DLG2: variants seen among roughly 807,000 people sequenced by gnomAD.
The protein encoded by DLG2 is disks large homolog 2.
In DLG2, 45 loss-of-function variants were observed where a neutral mutation model predicts 132.5. The ratio of observed to expected loss-of-function variants is 0.34; its 90% CI spans 0.27 to 0.44. The LOEUF is 0.44. Among genes scored for constraint, DLG2 ranks in the 20% least tolerant of loss-of-function variants. DLG2 has a pLI of 1.00. For synonymous variants in DLG2, 424 were observed against 419.6 expected, an observed-to-expected ratio of 1.01 and a Z score of -0.13; for missense variants, 1,045 against 1,196.9, an observed-to-expected ratio of 0.87 and a Z score of 1.87.
At chr11:83,676,560 G>A (rs1028125721) in intron 18 of DLG2, among the ~76,000 whole-genome samples, 6 of 152,150 alleles carry the variant, frequency 3.9e-5, no homozygotes, top group African/African-American at 1.4e-4. Flanking sequence ...ATATGCATGA[G>A]AGCATAGCTT....
Position 84,217,939 on chromosome 11 carries a change from G to A in DLG2, c.573+33299C>T, listed in dbSNP as rs149379884. ...TCCCAGCACTTTAGGAGGCCAAGGTGGGCAGATCACTTGAGGTCAGGAGTT... is the reference window on the plus strand; with the variant it reads ...TCCCAGCACTTTAGGAGGCCAAGGTAGGCAGATCACTTGAGGTCAGGAGTT... On this transcript the variant is annotated intron_variant, in intron 8 of 27. Transcript: ENST00000376104. Among the ~76,000 whole-genome samples the A allele has an allele frequency of 6.5e-3, 993 of 152,162 alleles. 18 individuals carry two copies. The highest frequency in any genetic ancestry group is 0.029 in the Admixed American group (445 of 15,278).
At position 84,715,202 on chromosome 11, in the gene DLG2, T is replaced by C. The variant is rs183363140; in HGVS notation, c.358-180471A>G. On this transcript the variant is annotated intron_variant, in intron 6 of 27. Transcript: ENST00000376104. ...TCACAGTGGTTCAGTTGAGCTGTTA[T>C]ATTAACAAATTGCTATTATGAGAAA... is the stretch of plus-strand genomic sequence containing the variant. Among the ~76,000 whole-genome samples, 122 of 152,310 alleles carry C rather than the reference T, an allele frequency of 8.0e-4. 1 individual carries two copies. The highest frequency in any genetic ancestry group is 2.9e-3 in the African/African-American group (120 of 41,582).
At chr11:84,734,118 C>G (rs139202960) in intron 6 of DLG2, among the ~76,000 whole-genome samples, 1 of 152,106 alleles carries the variant, frequency 6.6e-6, no homozygotes, top group East Asian at 1.9e-4. Context: ...TTTGGCAATG[C>G]GGGCTCTTTT....
chr11:84,693,150 C>T (rs1276332242), intron 6 of DLG2, among the ~76,000 whole-genome samples: 1 of 151,792 alleles, frequency 6.6e-6, no homozygotes, highest in Non-Finnish European at 1.5e-5. Context: ...CACTTAGTCA[C>T]TCTTCAAAAC....
At chr11:83,832,210 A>AT (rs2054736702) in intron 17 of DLG2, among the ~76,000 whole-genome samples, 1 of 152,204 alleles carries the variant, frequency 6.6e-6, no homozygotes, top group Admixed American at 6.5e-5. Flanking sequence ...TTGCTTAAAC[A>AT]TTTGCTAAGA....
rs61898989 is a variant in DLG2 at position 84,591,223 on chromosome 11, C to G, written c.358-56492G>C. Reference sequence around the variant, plus strand: ...TAAACACTGCTATATATGTGTCTCTCTGTGTGTGTGTGTGTGTGTGTGTGT... The same window carrying G: ...TAAACACTGCTATATATGTGTCTCTGTGTGTGTGTGTGTGTGTGTGTGTGT... On this transcript the variant is annotated intron_variant, in intron 6 of 27. Coordinates refer to ENST00000376104, the MANE Select transcript of DLG2 (RefSeq NM_001142699.3). Among the ~76,000 whole-genome samples, 489 of 139,284 alleles carry G rather than the reference C, an allele frequency of 3.5e-3. 4 individuals carry two copies. Among genetic ancestry groups the G allele is most frequent in the East Asian group, 0.019 (91 of 4,810 alleles). The allele number at this position is 139,284 out of a possible 152,430, so 91.4% of individuals were successfully genotyped here.
intron 6 of DLG2, among the ~76,000 whole-genome samples, chr11:85,017,014 A>G (rs1461642875): frequency 6.6e-6 from 1 of 152,078 alleles, no homozygotes; most frequent in Non-Finnish European, 1.5e-5. Context: ...AGCCATGCCC[A>G]TTTGTTTATA....
chr11:84,271,815 T>C (rs1309448950), intron 7 of DLG2, among the ~76,000 whole-genome samples: 2 of 151,944 alleles, frequency 1.3e-5, no homozygotes, highest in African/African-American at 4.8e-5. Flanking sequence ...CACTTAAGAA[T>C]AAAATGTTAG....
At position 84,479,346 on chromosome 11, in the gene DLG2, G is replaced by T. The variant is rs369262748; in HGVS notation, c.519+55224C>A. On this transcript the variant is annotated intron_variant, in intron 7 of 27. Coordinates refer to ENST00000376104, the MANE Select transcript of DLG2 (RefSeq NM_001142699.3). ...CCAAAATGAGTCCTCAGATGGTGAC[G>T]TGAAGGCTCTGTCTAATATACCTTT... 4.6e-5 allele frequency among the ~76,000 whole-genome samples: 7 copies of T among 152,164 alleles called. No homozygotes were observed. In the East Asian group the frequency reaches 9.7e-4, roughly 21 times the overall value.
chr11:85,439,948 T>C (rs2091695014), intron 3 of DLG2, among the ~76,000 whole-genome samples: 1 of 152,094 alleles, frequency 6.6e-6, no homozygotes, highest in Admixed American at 6.5e-5. Flanking sequence ...TAGATAGAGG[T>C]ATTTTATTTT....
chr11:84,575,069 C>G (rs1015645655), intron 6 of DLG2, among the ~76,000 whole-genome samples: 3 of 152,124 alleles, frequency 2.0e-5, no homozygotes, highest in Non-Finnish European at 2.9e-5. Context: ...GGCTGCCGTG[C>G]TCTAAGCTGG....
At chr11:83,900,013 A>T (rs2154097890) in intron 15 of DLG2, among the ~76,000 whole-genome samples, 1 of 152,336 alleles carries the variant, frequency 6.6e-6, no homozygotes, top group East Asian at 1.9e-4. Flanking sequence ...GATGGAAATG[A>T]GAAACTTGTT....
rs1234645408 is a variant in DLG2 at position 85,058,287 on chromosome 11, TAC to T, written c.357+53372_357+53373del. ...ATTGAAAAATAAAATTTAAAAATGA[TAC>T]AGTTTTTATCAACATATAGCACCTC... On this transcript the variant is annotated intron_variant, in intron 6 of 27. Coordinates refer to ENST00000376104, the MANE Select transcript of DLG2 (RefSeq NM_001142699.3). Among the ~76,000 whole-genome samples the T allele has an allele frequency of 2.6e-5, 4 of 151,582 alleles. No homozygotes were observed. In the East Asian group the frequency reaches 5.8e-4, roughly 22 times the overall value.
intron 6 of DLG2, among the ~76,000 whole-genome samples, chr11:84,541,121 C>T (rs1676138554): frequency 6.6e-6 from 1 of 151,930 alleles, no homozygotes; most frequent in Non-Finnish European, 1.5e-5. Context: ...AGCACACCAA[C>T]ATGGCACATG....
rs3067460 is a variant in DLG2 at position 85,191,162 on chromosome 11, GCACACACA to G, written c.187-36519_187-36512del. ...TATGCATGCGCGCGCGCGCACGCGC[GCACACACA>G]CACACACACACACACACACACACAC... On this transcript the variant is annotated intron_variant, in intron 4 of 27. Coordinates refer to ENST00000376104, the MANE Select transcript of DLG2 (RefSeq NM_001142699.3). Among the ~76,000 whole-genome samples the G allele has an allele frequency of 1.6e-3, 222 of 139,922 alleles. 1 individual carries two copies. The highest frequency in any genetic ancestry group is 0.016 in the East Asian group (74 of 4,670). 91.8% of individuals were successfully genotyped at this position (139,922 alleles called of 152,430 possible). A position where few individuals can be genotyped will look rare whatever the true frequency, so the allele number is the denominator to read the frequency against.
At chr11:85,156,574 A>G (rs2077601767) in intron 4 of DLG2, among the ~76,000 whole-genome samples, 1 of 152,072 alleles carries the variant, frequency 6.6e-6, no homozygotes, top group African/African-American at 2.4e-5. Context: ...CCCATGAACT[A>G]TCCAAATAAA....
At chr11:85,221,715 G>A (rs982580632) in intron 4 of DLG2, among the ~76,000 whole-genome samples, 2 of 152,152 alleles carry the variant, frequency 1.3e-5, no homozygotes, top group African/African-American at 2.4e-5. Context: ...TTATTTTGCA[G>A]TTGAGGAAAC....
At chr11:83,813,995 C>CT (rs1039435408) in intron 17 of DLG2, among the ~76,000 whole-genome samples, 13 of 152,066 alleles carry the variant, frequency 8.5e-5, no homozygotes, top group Middle Eastern at 3.4e-3. Flanking sequence ...TGCAGACTCA[C>CT]TTTTTTTTCT....
chr11:84,620,555 G>A (rs530727104), intron 6 of DLG2, among the ~76,000 whole-genome samples: 1 of 151,952 alleles, frequency 6.6e-6, no homozygotes, highest in Non-Finnish European at 1.5e-5. Context: ...TACAATATAG[G>A]TGTAAGCACA....
Sources: gnomAD v4.1 joint callset for allele counts (sites outside exome capture counted in the v4.1 genomes callset) on GRCh38, gnomAD v4.1.1 for gene constraint, MANE v1.5 for transcripts, NCBI Gene and HGNC (gene_info 2026-07-23, HGNC 2026-07-21) for gene names.